The following NDST2 variants were observed in gnomAD, a reference collection of about 807,000 sequenced individuals.
The protein encoded by NDST2 is bifunctional heparan sulfate N-deacetylase/N-sulfotransferase 2.
Under a neutral mutation model 86.9 loss-of-function variants are expected in NDST2, and 32 were observed. The observed-to-expected ratio is 0.37, with a 90% CI of 0.28 to 0.49. The LOEUF (loss-of-function observed/expected upper bound fraction) is 0.49. Ranked by LOEUF, NDST2 falls within the 20% of genes least tolerant of loss-of-function variation. The probability of loss-of-function intolerance (pLI) is 0.97; values close to 1 mark genes in which losing one functional copy is unlikely to be tolerated. For missense variants in NDST2, 950 were observed against 1,146.9 expected, an observed-to-expected ratio of 0.83 and a Z score of 2.48; for synonymous variants, 409 against 437.0, an observed-to-expected ratio of 0.94 and a Z score of 0.80.
In NDST2 at chr10:73,802,422, G is replaced by A; in HGVS notation, c.*29C>T. The A allele has an allele frequency of 1.2e-6, 2 of 1,611,724 alleles. No individual in the cohort carries two copies. Among genetic ancestry groups the A allele is most frequent in the South Asian group, 1.1e-5 (1 of 90,980 alleles). ...GACCTGCCCCTTAGGGAAGCAGGGG[G>A]CATTTTGCTGGTATGGGAGGCTGGG... On this transcript the variant is annotated 3_prime_UTR_variant, in exon 15 of 15. Transcript: ENST00000309979.
chr10:73,801,966 A>G lies in NDST2; in HGVS notation c.*485T>C, dbSNP rs2083986363. On this transcript the variant is annotated 3_prime_UTR_variant, in exon 15 of 15. Coordinates refer to ENST00000309979, the MANE Select transcript of NDST2 (RefSeq NM_003635.4). The surrounding 1 kb of genome is among the most constrained non-coding windows in gnomAD (Gnocchi z 4.9). Reference sequence around the variant, plus strand: ...CATTTCTAGCCCACAGCTAGGGCTCATACTCGGCTCTATGAGCCACTGTCC... The same window carrying G: ...CATTTCTAGCCCACAGCTAGGGCTCGTACTCGGCTCTATGAGCCACTGTCC... 5 of 378,506 alleles carry G rather than the reference A, an allele frequency of 1.3e-5. No homozygotes were observed. Among genetic ancestry groups the G allele is most frequent in the Non-Finnish European group, 2.5e-5 (5 of 203,316 alleles). The allele number at this position is 378,506 out of a possible 1,614,324, so 23.4% of individuals were successfully genotyped here. A position where few individuals can be genotyped will look rare whatever the true frequency, so the allele number is the denominator to read the frequency against.
At chr10:73,811,154 G>A (rs1271013192) in intron 1 of NDST2, among the ~76,000 whole-genome samples, 1 of 152,026 alleles carries the variant, frequency 6.6e-6, no homozygotes. Flanking sequence ...GAGAGGAGAC[G>A]GGGGCACAGG....
At position 73,803,094 on chromosome 10, in the gene NDST2, G is replaced by A. The variant is rs751295028; in HGVS notation, c.2314-13C>T. The A allele has an allele frequency of 1.4e-5, 23 of 1,614,040 alleles. No individual in the cohort carries two copies. Among genetic ancestry groups the A allele is most frequent in the Non-Finnish European group, 1.8e-5 (21 of 1,180,006 alleles). ...CCACAATCAGCAACTAAAAGGACAG[G>A]GATGTGGTTCCCTCTATATTCCTAA... On this transcript the variant is annotated splice_polypyrimidine_tract_variant and intron_variant, in intron 12 of 14. Coordinates refer to ENST00000309979, the MANE Select transcript of NDST2 (RefSeq NM_003635.4).
intron 11 of NDST2, 55 bp downstream of exon 11, chr10:73,803,519 T>TGGGGTGG: frequency 1.8e-6 from 1 of 565,880 alleles, no homozygotes; most frequent in Non-Finnish European, 3.4e-6. Flanking sequence ...GCAGTCACTG[T>TGGGGTGG]CCCCTCCCCC....
chr10:73,811,005 G>A (rs1013845215), intron 1 of NDST2, 102 bp from the exon 2 acceptor site: 3 of 396,488 alleles, frequency 7.6e-6, no homozygotes, highest in African/African-American at 4.1e-5. Flanking sequence ...GGGTGTGTGC[G>A]GGAGATCTCT....
rs1275426893 is a variant in NDST2 at position 73,802,368 on chromosome 10, C to T, written c.*83G>A. 2.6e-6 allele frequency: 4 copies of T among 1,555,198 alleles called. No homozygotes were observed. The highest frequency in any genetic ancestry group is 3.5e-6 in the Non-Finnish European group (4 of 1,138,958). ...AGGTAGAGGGGGAGGGGCCAGGCCA[C>T]TCTAATCCCCCTTGTGGGCCCTGCT... On this transcript the variant is annotated 3_prime_UTR_variant, in exon 15 of 15. Coordinates refer to ENST00000309979, the MANE Select transcript of NDST2 (RefSeq NM_003635.4).
Position 73,806,359 on chromosome 10 carries a change from G to A in NDST2, c.1364C>T (p.Thr455Ile). 6.2e-7 allele frequency: 1 copy of A among 1,614,172 alleles called. No homozygotes were observed. The highest frequency in any genetic ancestry group is 8.5e-7 in the Non-Finnish European group (1 of 1,180,026). Residue 455 changes from threonine (T) to isoleucine (I), a missense_variant, in exon 6 of 15, where the codon ACC becomes ATC. Thr to Ile is a moderately conservative substitution (Grantham distance 89, BLOSUM62 -1). Coordinates refer to ENST00000309979, the MANE Select transcript of NDST2 (RefSeq NM_003635.4). The surrounding 1 kb of genome is among the most constrained non-coding windows in gnomAD (Gnocchi z 4.5). ...GAGATGGGGATACTCCTCAGTGCTG[G>A]TCACCTGGATGCCCCACACGGATTT... ...AWKSVWGIQV[T>I]STEEYPHLRP...
At chr10:73,807,037 GC>G (rs1471171404) in intron 4 of NDST2, 70 bp downstream of exon 4, 8 of 1,490,838 alleles carry the variant, frequency 5.4e-6, no homozygotes, top group Non-Finnish European at 7.5e-6. Context: ...CAACTTGTCT[GC>G]CCAGGGAGGT....
chr10:73,802,868 GTC>G (rs1458132541), intron 13 of NDST2, 92 bp from the exon 14 acceptor site: 3 of 1,510,900 alleles, frequency 2.0e-6, no homozygotes, highest in South Asian at 1.1e-5. Flanking sequence ...ACAGGGACAT[GTC>G]TCTCCTTGTG....
Position 73,806,487 on chromosome 10 carries a change from T to C in NDST2, c.1249-13A>G, listed in dbSNP as rs375262087. On this transcript the variant is annotated splice_polypyrimidine_tract_variant and intron_variant, in intron 5 of 14. Coordinates refer to ENST00000309979, the MANE Select transcript of NDST2 (RefSeq NM_003635.4). The surrounding 1 kb of genome is among the most constrained non-coding windows in gnomAD (Gnocchi z 4.5). Reference sequence around the variant, plus strand: ...GAATCCCATGCTCCTGGGAATGGCATAGACTCTCACCAGGACCTGGTGAGG... The same window carrying C: ...GAATCCCATGCTCCTGGGAATGGCACAGACTCTCACCAGGACCTGGTGAGG... 8 of 1,575,540 alleles carry C rather than the reference T, an allele frequency of 5.1e-6. No individual in the cohort carries two copies. Among genetic ancestry groups the C allele is most frequent in the South Asian group, 4.7e-5 (4 of 85,054 alleles).
chr10:73,805,024 C>G (rs1372397426), intron 8 of NDST2, among the ~76,000 whole-genome samples, 155 bp from the exon 9 acceptor site: 3 of 151,732 alleles, frequency 2.0e-5, no homozygotes, highest in Non-Finnish European at 4.4e-5. Flanking sequence ...CCTCAGCCTT[C>G]TGAGTAGCTG....
Position 73,802,303 on chromosome 10 carries a change from ACCC to A in NDST2, c.*145_*147del. The A allele has an allele frequency of 1.3e-6, 1 of 778,052 alleles. No individual in the cohort carries two copies. Among genetic ancestry groups the A allele is most frequent in the South Asian group, 1.8e-5 (1 of 55,546 alleles). The allele number at this position is 778,052 out of a possible 1,614,324, so 48.2% of individuals were successfully genotyped here. ...TGTCCCAGAACTGTGGGAAAAGGAT[ACCC>A]TTCCCTTCTCAGCCATCTCAGGCCT... is the stretch of plus-strand genomic sequence containing the variant. On this transcript the variant is annotated 3_prime_UTR_variant, in exon 15 of 15. Transcript: ENST00000309979.
Position 73,803,077 on chromosome 10 carries a change from A to T in NDST2, c.2318T>A (p.Leu773Gln). 1 of 1,614,222 alleles carries T rather than the reference A, an allele frequency of 6.2e-7. No individual in the cohort carries two copies. The part of the protein sequence containing the change: ...WLTYYPSGQL[L>Q]IVDGQELRTN... ...ACGCAGCTCTTGCCCATCCACAATCAGCAACTAAAAGGACAGGGATGTGGT... is the reference window on the plus strand; with the variant it reads ...ACGCAGCTCTTGCCCATCCACAATCTGCAACTAAAAGGACAGGGATGTGGT... The change falls in exon 13 of 15, where the codon CTG (leucine) becomes CAG (glutamine). Residue 773 changes from leucine to glutamine, a missense_variant. Physicochemically the swap from Leu to Gln is moderately radical, Grantham distance 113. Transcript: ENST00000309979.
At chr10:73,803,517 T>TGGGGGGGGGGGGGGGGGCG in intron 11 of NDST2, 57 bp downstream of exon 11, 1 of 1,189,312 alleles carries the variant, frequency 8.4e-7, no homozygotes, top group Non-Finnish European at 1.2e-6. Flanking sequence ...TAGCAGTCAC[T>TGGGGGGGGGGGGGGGGGCG]GTCCCCTCCC....
Position 73,802,379 on chromosome 10 carries a change from C to G in NDST2, c.*72G>C, listed in dbSNP as rs1303785857. 6 of 1,590,802 alleles carry G rather than the reference C, an allele frequency of 3.8e-6. No homozygotes were observed. The East Asian group carries it at 1.1e-4, about 30-fold the overall frequency. ...GAGGGGCCAGGCCACTCTAATCCCC[C>G]TTGTGGGCCCTGCTCTGGACCTGCC... is the stretch of plus-strand genomic sequence containing the variant. On this transcript the variant is annotated 3_prime_UTR_variant, in exon 15 of 15. Coordinates refer to ENST00000309979, the MANE Select transcript of NDST2 (RefSeq NM_003635.4).
rs754964979 is a variant in NDST2, at chr10:73,807,657, G to T, written c.732C>A (p.Ser244Arg). The T allele has an allele frequency of 3.1e-6, 5 of 1,614,124 alleles. No individual in the cohort carries two copies. The African/African-American group carries it at 6.7e-5, about 22-fold the overall frequency. ...GCACTGCGGGCTCAGCTGGCCGAAGGCTGGCAAGAAGCACTGGTTCATATG... is the reference window on the plus strand; with the variant it reads ...GCACTGCGGGCTCAGCTGGCCGAAGTCTGGCAAGAAGCACTGGTTCATATG... ...HSTYEPVLLA[S>R]LRPAEPAVPG... is the part of the protein sequence containing the mutation. The change falls in exon 3 of 15, where the codon AGC becomes AGA. Residue 244 changes from serine to arginine, a missense_variant. This residue lies in a region of NDST2 where 586 missense variants were observed against 714.0 expected (regional missense o/e 0.82). Coordinates refer to ENST00000309979, the MANE Select transcript of NDST2 (RefSeq NM_003635.4).
chr10:73,802,817 GA>G, intron 13 of NDST2, 41 bp from the exon 14 acceptor site: 3 of 1,590,472 alleles, frequency 1.9e-6, no homozygotes, highest in Non-Finnish European at 2.6e-6. Flanking sequence ...AGGGAAAAGA[GA>G]AACTCAAGTT....
intron 10 of NDST2, 35 bp downstream of exon 10, chr10:73,803,857 TC>T (rs1259830360): frequency 1.2e-6 from 2 of 1,613,990 alleles, no homozygotes; most frequent in East Asian, 2.2e-5. Context: ...AAGGGAGTGT[TC>T]CTCTGAGAAA....
In NDST2 at chr10:73,806,056, A is replaced by C; in HGVS notation, c.1435-28T>G. ...GGAGGGAAAAGAAAAAACAGATGAG[A>C]TTTGAAAGATAGAATGAGAAGTAGA... On this transcript the variant is annotated intron_variant, in intron 6 of 14. Coordinates refer to ENST00000309979, the MANE Select transcript of NDST2 (RefSeq NM_003635.4). The surrounding 1 kb of genome is among the most constrained non-coding windows in gnomAD (Gnocchi z 4.5). 5 of 1,611,008 alleles carry C rather than the reference A, an allele frequency of 3.1e-6. No individual in the cohort carries two copies. The highest frequency in any genetic ancestry group is 4.2e-6 in the Non-Finnish European group (5 of 1,178,806).
Sources: gnomAD v4.1 joint callset for allele counts (sites outside exome capture counted in the v4.1 genomes callset) on GRCh38, gnomAD v4.1.1 for gene constraint, gnomAD v4.1.1 regional missense constraint, Gnocchi (gnomAD v3.1) non-coding constraint, MANE v1.5 for transcripts, NCBI Gene and HGNC (gene_info 2026-07-23, HGNC 2026-07-21) for gene names.